The following FRMD4A variants were observed in gnomAD, a reference collection of about 807,000 sequenced individuals.
FRMD4A encodes the protein FERM domain-containing protein 4A.
Under a neutral mutation model 129.1 loss-of-function variants are expected in FRMD4A, and 29 were observed. The ratio of observed to expected loss-of-function variants is 0.22; its 90% CI spans 0.17 to 0.31. FRMD4A has a LOEUF of 0.31. FRMD4A is among the 10% of genes least tolerant of loss of function. The pLI, the probability that FRMD4A is intolerant of heterozygous loss-of-function variation, is 1.00. For synonymous variants in FRMD4A, 634 were observed against 571.6 expected (o/e 1.11, Z -1.56); for missense variants, 1,272 against 1,375.8 (o/e 0.92, Z 1.19).
At chr10:14,102,287 G>C (rs965925864) in intron 2 of FRMD4A, among the ~76,000 whole-genome samples, 7 of 152,178 alleles carry the variant, frequency 4.6e-5, no homozygotes, top group Non-Finnish European at 8.8e-5. Flanking sequence ...AGTACCTCGG[G>C]AGGCCAAGGC....
In FRMD4A at chr10:13,937,834, T is replaced by C. The variant is rs528862847; in HGVS notation, c.46-78922A>G. On this transcript the variant is annotated intron_variant, in intron 2 of 24. Transcript: ENST00000357447. ...ACAAATCTCTTAATTGTAACCATTA[T>C]ATTGTGAACGATCCACTAATCCTTC... Among the ~76,000 whole-genome samples the C allele has an allele frequency of 1.4e-4, 22 of 152,360 alleles. No homozygotes were observed. The South Asian group carries it at 4.6e-3, about 32-fold the overall frequency.
chr10:14,251,235 G>T (rs955829070), intron 2 of FRMD4A, among the ~76,000 whole-genome samples: 1 of 152,202 alleles, frequency 6.6e-6, no homozygotes, highest in Non-Finnish European at 1.5e-5. Context: ...AAGTCAAGGA[G>T]TGTCACTTCT....
intron 15 of FRMD4A, among the ~76,000 whole-genome samples, chr10:13,679,460 A>T (rs79019113): frequency 0.072 from 1,973 of 27,274 alleles, 188 homozygotes; most frequent in African/African-American, 0.19. Flanking sequence ...AAAAAAAAAA[A>T]ATATATATAT....
At position 14,305,242 on chromosome 10, in the gene FRMD4A, A is replaced by C. The variant is rs539885626; in HGVS notation, c.45+24816T>G. ...GTGCTTTTTCCTTGAGCTATTTACC[A>C]GGTTCATTATTCACATTTCCCCAAA... On this transcript the variant is annotated intron_variant, in intron 2 of 24. Coordinates refer to ENST00000357447, the MANE Select transcript of FRMD4A (RefSeq NM_018027.5). Among the ~76,000 whole-genome samples the C allele has an allele frequency of 2.0e-5, 3 of 152,346 alleles. No individual in the cohort carries two copies. In the South Asian group the frequency reaches 6.2e-4, roughly 32 times the overall value.
chr10:13,872,675 T>A (rs369052856), intron 2 of FRMD4A, among the ~76,000 whole-genome samples: 46 of 152,364 alleles, frequency 3.0e-4, no homozygotes, highest in African/African-American at 1.1e-3. Flanking sequence ...AACATCCAAC[T>A]GTTCCCTGGG....
intron 2 of FRMD4A, among the ~76,000 whole-genome samples, chr10:14,245,199 G>T (rs1017919009): frequency 6.6e-6 from 1 of 152,194 alleles, no homozygotes; most frequent in African/African-American, 2.4e-5. Flanking sequence ...GGCTGCTTGG[G>T]CTGGGATCAG....
intron 2 of FRMD4A, among the ~76,000 whole-genome samples, chr10:13,981,735 T>G (rs2095561849): frequency 9.9e-6 from 1 of 100,566 alleles, no homozygotes; most frequent in Non-Finnish European, 1.8e-5. Context: ...CAAGACTCCG[T>G]GTCAAAAAAA....
At chr10:14,148,933 T>C (rs761929217) in intron 2 of FRMD4A, among the ~76,000 whole-genome samples, 1 of 152,166 alleles carries the variant, frequency 6.6e-6, no homozygotes, top group Non-Finnish European at 1.5e-5. Context: ...CCTGCATACA[T>C]ACCCAGACAA....
chr10:13,973,664 GAA>G (rs1347977752), intron 2 of FRMD4A, among the ~76,000 whole-genome samples: 3 of 151,412 alleles, frequency 2.0e-5, no homozygotes, highest in Non-Finnish European at 4.4e-5. Context: ...CCCATCACCA[GAA>G]AGTTTTATCT....
At chr10:14,118,449 G>C (rs529484685) in intron 2 of FRMD4A, among the ~76,000 whole-genome samples, 1 of 152,320 alleles carries the variant, frequency 6.6e-6, no homozygotes, top group African/African-American at 2.4e-5. Context: ...AATGCCCAGA[G>C]TCTTGACTTA....
chr10:13,973,905 ATAGT>A (rs1240625406), intron 2 of FRMD4A, among the ~76,000 whole-genome samples: 2 of 152,184 alleles, frequency 1.3e-5, no homozygotes, highest in African/African-American at 4.8e-5. Flanking sequence ...AAGATATATT[ATAGT>A]TAGTTTCAGT....
At chr10:14,153,673 T>C (rs1840452674) in intron 2 of FRMD4A, among the ~76,000 whole-genome samples, 1 of 152,184 alleles carries the variant, frequency 6.6e-6, no homozygotes, top group Non-Finnish European at 1.5e-5. Context: ...CTTGTCTCCA[T>C]GCGCCTGCTC....
chr10:14,315,606 T>C (rs1846709829), intron 2 of FRMD4A, among the ~76,000 whole-genome samples: 1 of 152,232 alleles, frequency 6.6e-6, no homozygotes, highest in South Asian at 2.1e-4. Flanking sequence ...TTCTAATGCT[T>C]TCCATTGTTT....
intron 2 of FRMD4A, among the ~76,000 whole-genome samples, chr10:13,897,010 G>T (rs2094766108): frequency 6.6e-6 from 1 of 152,186 alleles, no homozygotes; most frequent in Non-Finnish European, 1.5e-5. Context: ...AGAATTTGAA[G>T]AGATAAAATT....
At chr10:13,814,536 ATGCCAC>A (rs2093502999) in intron 3 of FRMD4A, among the ~76,000 whole-genome samples, 1 of 135,844 alleles carries the variant, frequency 7.4e-6, no homozygotes, top group Non-Finnish European at 1.5e-5. Flanking sequence ...AGCTATGATC[ATGCCAC>A]TGCACTCCAG....
At chr10:13,780,030 A>G (rs1272392342) in intron 6 of FRMD4A, among the ~76,000 whole-genome samples, 1 of 152,038 alleles carries the variant, frequency 6.6e-6, no homozygotes. Flanking sequence ...TTCTTTTTTA[A>G]AATGTTCTTT....
chr10:14,102,670 T>C (rs1421781768), intron 2 of FRMD4A, among the ~76,000 whole-genome samples: 1 of 152,150 alleles, frequency 6.6e-6, no homozygotes, highest in Non-Finnish European at 1.5e-5. Context: ...TTGTAAATTC[T>C]CTCAATTTTA....
intron 3 of FRMD4A, among the ~76,000 whole-genome samples, chr10:13,815,520 C>T (rs995511388): frequency 4.8e-4 from 73 of 151,940 alleles, no homozygotes; most frequent in African/African-American, 1.7e-3. Flanking sequence ...CACTGAATTG[C>T]ACATACGAAA....
chr10:14,109,802 T>A (rs536145242), intron 2 of FRMD4A, among the ~76,000 whole-genome samples: 4 of 150,970 alleles, frequency 2.6e-5, no homozygotes, highest in Non-Finnish European at 5.9e-5. Flanking sequence ...AGAAACCCTG[T>A]CTCTACTAAA....
Sources: gnomAD v4.1 joint callset for allele counts (sites outside exome capture counted in the v4.1 genomes callset) on GRCh38, gnomAD v4.1.1 for gene constraint, MANE v1.5 for transcripts, NCBI Gene and HGNC (gene_info 2026-07-23, HGNC 2026-07-21) for gene names.